SEC22C: variants seen among roughly 807,000 people sequenced by gnomAD.
SEC22C encodes the protein vesicle-trafficking protein SEC22c.
In SEC22C, 29 loss-of-function variants were observed where a neutral mutation model predicts 34.7. The ratio of observed to expected loss-of-function variants is 0.84; its 90% confidence interval spans 0.62 to 1.14. The LOEUF is 1.14. SEC22C is among the 50% of genes most tolerant of loss of function. The pLI, the probability that SEC22C is intolerant of heterozygous loss-of-function variation, is 0.00. For synonymous variants in SEC22C, 117 were observed against 132.8 expected, an observed-to-expected ratio of 0.88 and a Z score of 0.82; for missense variants, 337 against 369.0, an observed-to-expected ratio of 0.91 and a Z score of 0.71.
chr3:42,600,716 G>A (rs1705296016), intron 1 of SEC22C: 1 of 274,086 alleles, frequency 3.6e-6, no homozygotes, highest in Non-Finnish European at 6.9e-6. Context: ...GTTGGGGTTT[G>A]GCTGCAGTGG....
chr3:42,570,270 A>C (rs936761776), intron 1 of SEC22C, among the ~76,000 whole-genome samples: 1 of 152,182 alleles, frequency 6.6e-6, no homozygotes, highest in African/African-American at 2.4e-5. Flanking sequence ...ATCCAAATGC[A>C]AATCAAAGAC....
At chr3:42,590,862 G>C in intron 1 of SEC22C, 1 of 1,612,608 alleles carries the variant, frequency 6.2e-7, no homozygotes, top group Non-Finnish European at 8.5e-7. Flanking sequence ...CGTGGGTCGA[G>C]TTGCTTGGCG....
Position 42,552,266 on chromosome 3 carries a change from A to C in SEC22C, c.*982T>G. The C allele has an allele frequency of 3.0e-6, 3 of 985,454 alleles. No homozygotes were observed. In the South Asian group the frequency reaches 1.4e-4, roughly 46 times the overall value. The allele number at this position is 985,454 out of a possible 1,614,324, so 61.0% of individuals were successfully genotyped here. On this transcript the variant is annotated 3_prime_UTR_variant, in exon 7 of 7. Transcript: ENST00000264454. ...TGACTGGGAAAGGTGCAGAGGAGTA[A>C]TTAATTTTGGAGGCGCTCTGGGAAC...
At chr3:42,601,078 T>G (rs1273521186) in exon 1 of SEC22C, 1 of 1,555,902 alleles carries the variant, frequency 6.4e-7, no homozygotes, top group Non-Finnish European at 8.7e-7. Context: ...AGCTGGAAAC[T>G]GGGGAGCGCT....
At chr3:42,557,959 AT>A (rs1702633554) in intron 4 of SEC22C, among the ~76,000 whole-genome samples, 1 of 152,202 alleles carries the variant, frequency 6.6e-6, no homozygotes, top group African/African-American at 2.4e-5. Flanking sequence ...CAAGTGCTTA[AT>A]TTCCTTTCTA....
At chr3:42,590,770 C>A (rs1704794934) in intron 1 of SEC22C, 1 of 951,832 alleles carries the variant, frequency 1.1e-6, no homozygotes, top group African/African-American at 1.6e-5. Flanking sequence ...CTTGCGCGTC[C>A]AGTCACAAAT....
chr3:42,563,633 G>C lies in SEC22C; in HGVS notation c.236C>G (p.Pro79Arg). 1 of 1,614,138 alleles carries C rather than the reference G, an allele frequency of 6.2e-7. No homozygotes were observed. The highest frequency in any genetic ancestry group is 1.1e-5 in the South Asian group (1 of 91,074). ...CAGGAAGCAGAAGGCCATGGCTGCT[G>C]GACACTGGCAGGAGCAGATAGCCAT... ...ACMAICSCQC[P>R]AAMAFCFLET... The change falls in exon 3 of 7, where the codon CCA becomes CGA. Residue 79 changes from proline (P) to arginine (R), a missense_variant. Transcript: ENST00000264454.
chr3:42,577,776 C>T (rs149724975), intron 1 of SEC22C, among the ~76,000 whole-genome samples: 102 of 152,188 alleles, frequency 6.7e-4, no homozygotes, highest in Non-Finnish European at 2.9e-5. Flanking sequence ...TCGAGACCAG[C>T]CTGGCCAACA....
rs547768473 is a variant in SEC22C at position 42,575,278 on chromosome 3, T to C, written c.-27-6205A>G. 2.1e-4 allele frequency among the ~76,000 whole-genome samples: 32 copies of C among 152,226 alleles called. 1 individual carries two copies. The highest frequency in any genetic ancestry group is 2.4e-4 in the Non-Finnish European group (16 of 68,052). On this transcript the variant is annotated intron_variant, in intron 1 of 6. Coordinates refer to ENST00000264454, the MANE Select transcript of SEC22C (RefSeq NM_032970.4). ...AAAAAAGGGCAGACTTATTCCCTAA[T>C]ATATATCAATGATTACATTAAATGT...
chr3:42,560,335 A>C (rs1291068761), intron 4 of SEC22C, among the ~76,000 whole-genome samples: 11 of 149,976 alleles, frequency 7.3e-5, no homozygotes, highest in Admixed American at 7.3e-4. Context: ...AAAAACATAA[A>C]ATTTAAAAAT....
At chr3:42,587,722 C>G (rs1263171187) in intron 1 of SEC22C, among the ~76,000 whole-genome samples, 1 of 142,574 alleles carries the variant, frequency 7.0e-6, no homozygotes, top group Admixed American at 6.9e-5. Context: ...GGCGACAGAG[C>G]GAGACTCCGT....
chr3:42,574,732 G>A (rs1703857633), intron 1 of SEC22C, among the ~76,000 whole-genome samples: 1 of 152,104 alleles, frequency 6.6e-6, no homozygotes, highest in South Asian at 2.1e-4. Context: ...ACCACAACAA[G>A]TCATACACAT....
chr3:42,590,471 C>CA (rs1704781202), intron 1 of SEC22C, among the ~76,000 whole-genome samples: 1 of 151,924 alleles, frequency 6.6e-6, no homozygotes, highest in African/African-American at 2.4e-5. Context: ...TCTACTAATA[C>CA]AAAAAATTAG....
Position 42,551,834 on chromosome 3 carries a change from C to A in SEC22C, c.*1414G>T. 2.0e-6 allele frequency: 2 copies of A among 980,254 alleles called. No individual in the cohort carries two copies. Among genetic ancestry groups the A allele is most frequent in the Non-Finnish European group, 2.4e-6 (2 of 825,234 alleles). 60.7% of individuals were successfully genotyped at this position (980,254 alleles called of 1,614,324 possible). Reference sequence around the variant, plus strand: ...GAATTTTTCTAAAACTACATTCTTACATTCCCTATCCACTCAACTCTTGTA... The same window carrying A: ...GAATTTTTCTAAAACTACATTCTTAAATTCCCTATCCACTCAACTCTTGTA... On this transcript the variant is annotated 3_prime_UTR_variant, in exon 7 of 7. Coordinates refer to ENST00000264454, the MANE Select transcript of SEC22C (RefSeq NM_032970.4).
intron 1 of SEC22C, among the ~76,000 whole-genome samples, chr3:42,578,310 C>T (rs981158692): frequency 3.9e-5 from 6 of 152,024 alleles, no homozygotes; most frequent in African/African-American, 7.3e-5. Flanking sequence ...ATAAAAAGCC[C>T]GTATCAAAAG....
chr3:42,553,597 C>T, intron 6 of SEC22C, 149 bp from the exon 7 acceptor site: 1 of 1,213,666 alleles, frequency 8.2e-7, no homozygotes, highest in Non-Finnish European at 1.1e-6. Flanking sequence ...AGCGTGGACC[C>T]ACTGGTTAGG....
At chr3:42,575,806 A>G (rs576917289) in intron 1 of SEC22C, among the ~76,000 whole-genome samples, 49 of 152,320 alleles carry the variant, frequency 3.2e-4, no homozygotes, top group African/African-American at 1.2e-3. Flanking sequence ...TGCATCCAAC[A>G]ACAGAAGAAT....
intron 1 of SEC22C, among the ~76,000 whole-genome samples, chr3:42,574,872 G>A (rs1374244778): frequency 6.6e-6 from 1 of 152,062 alleles, no homozygotes; most frequent in Non-Finnish European, 1.5e-5. Flanking sequence ...AGTCTGGAAC[G>A]CAGTGACACA....
At chr3:42,591,469 A>G in intron 1 of SEC22C, 1 of 1,332,816 alleles carries the variant, frequency 7.5e-7, no homozygotes, top group Non-Finnish European at 1.1e-6. Context: ...CCGGGGTTAC[A>G]GGCGTGAGCC....
Sources: gnomAD v4.1 joint callset for allele counts (sites outside exome capture counted in the v4.1 genomes callset) on GRCh38, gnomAD v4.1.1 for gene constraint, MANE v1.5 for transcripts, NCBI Gene and HGNC (gene_info 2026-07-23, HGNC 2026-07-21) for gene names.